The following CLIP2 variants were observed in gnomAD, a reference collection of about 807,000 sequenced individuals.
CLIP2 encodes the protein CAP-Gly domain-containing linker protein 2.
Under a neutral mutation model 111.7 loss-of-function variants are expected in CLIP2, and 41 were observed. The ratio of observed to expected loss-of-function variants is 0.37; its 90% confidence interval spans 0.29 to 0.48. The LOEUF (loss-of-function observed/expected upper bound fraction) is 0.48. CLIP2 is among the 20% of genes least tolerant of loss of function. The pLI is 0.99. For synonymous variants in CLIP2, 660 were observed against 644.2 expected, an observed-to-expected ratio of 1.02 and a Z score of -0.37; for missense variants, 1,160 against 1,422.1, an observed-to-expected ratio of 0.82 and a Z score of 2.96.
intron 2 of CLIP2, among the ~76,000 whole-genome samples, chr7:74,328,410 GC>G (rs1789179520): frequency 6.6e-6 from 1 of 152,166 alleles, no homozygotes; most frequent in Non-Finnish European, 1.5e-5. Context: ...CAGGTGTGTG[GC>G]CCGTCTGCAT....
rs112590233 is a variant in CLIP2 at position 74,332,136 on chromosome 7, C to T, written c.122-6312C>T. ...TTGCCCAGGCTGGAGTGAAGTGATG[C>T]GATCTCGGCTCACTGCAACCTCCGC... On this transcript the variant is annotated intron_variant, in intron 2 of 16. Transcript: ENST00000223398. 5.1e-3 allele frequency among the ~76,000 whole-genome samples: 773 copies of T among 150,550 alleles called. 2 individuals carry two copies. The highest frequency in any genetic ancestry group is 0.015 in the African/African-American group (617 of 40,946).
chr7:74,345,734 C>T (rs1010524536), intron 3 of CLIP2, among the ~76,000 whole-genome samples: 3 of 151,698 alleles, frequency 2.0e-5, no homozygotes, highest in Admixed American at 1.3e-4. Flanking sequence ...ATAATTCCAG[C>T]TACTCAGGAG....
chr7:74,298,877 C>G (rs1187866463), intron 1 of CLIP2, among the ~76,000 whole-genome samples: 1 of 152,002 alleles, frequency 6.6e-6, no homozygotes, highest in Non-Finnish European at 1.5e-5. Flanking sequence ...AAAAAAGTTG[C>G]GCCCAGTGAG....
At chr7:74,398,146 G>T (rs1554317023) in intron 14 of CLIP2, among the ~76,000 whole-genome samples, 2 of 151,476 alleles carry the variant, frequency 1.3e-5, no homozygotes, top group Non-Finnish European at 2.9e-5. Context: ...ATCACTTGAG[G>T]TCAAGAGTAC....
At position 74,289,557 on chromosome 7, in the gene CLIP2, C is replaced by T. The variant is rs1787949315; in HGVS notation, c.-245C>T. On this transcript the variant is annotated 5_prime_UTR_variant, in exon 1 of 17. Coordinates refer to ENST00000223398, the MANE Select transcript of CLIP2 (RefSeq NM_003388.5). The stretch of plus-strand genomic sequence containing the variant: ...CCTTCCCAGAGACGTGGCGCGAGGC[C>T]CGGGCCCTGAGCACCTATCGCGGGG... 1 of 151,808 alleles carries T rather than the reference C, an allele frequency of 6.6e-6. No individual in the cohort carries two copies. Among genetic ancestry groups the T allele is most frequent in the East Asian group, 1.9e-4 (1 of 5,158 alleles). The allele number at this position is 151,808 out of a possible 1,614,324, so 9.4% of individuals were successfully genotyped here. A position where few individuals can be genotyped will look rare whatever the true frequency, so the allele number is the denominator to read the frequency against.
At chr7:74,298,883 G>C (rs1256499036) in intron 1 of CLIP2, among the ~76,000 whole-genome samples, 1 of 152,140 alleles carries the variant, frequency 6.6e-6, no homozygotes. Flanking sequence ...GTTGCGCCCA[G>C]TGAGAGGAAG....
intron 3 of CLIP2, among the ~76,000 whole-genome samples, chr7:74,349,468 G>GTATATATA (rs1385137051): frequency 4.7e-4 from 29 of 61,752 alleles, no homozygotes; most frequent in East Asian, 6.7e-4. Flanking sequence ...GTGTGTGTGT[G>GTATATATA]TGTATATATA....
At chr7:74,330,981 G>C (rs1789260357) in intron 2 of CLIP2, among the ~76,000 whole-genome samples, 7 of 151,778 alleles carry the variant, frequency 4.6e-5, no homozygotes, top group Admixed American at 4.6e-4. Flanking sequence ...GAGGTGGGTG[G>C]ATCACCTGAG....
Position 74,396,927 on chromosome 7 carries a change from C to G in CLIP2, c.2721-147C>G. 4 of 985,134 alleles carry G rather than the reference C, an allele frequency of 4.1e-6. No individual in the cohort carries two copies. In the South Asian group the frequency reaches 6.8e-5, roughly 17 times the overall value. The allele number at this position is 985,134 out of a possible 1,614,324, so 61.0% of individuals were successfully genotyped here. The stretch of plus-strand genomic sequence containing the variant: ...TTGGGCTTTGGTTGAATTGTGTCTA[C>G]TGTGGCCCCTCGTGGCACAGATGCC... On this transcript the variant is annotated intron_variant, in intron 13 of 16. Transcript: ENST00000223398.
chr7:74,373,122 T>C, intron 9 of CLIP2, 86 bp downstream of exon 9: 1 of 744,618 alleles, frequency 1.3e-6, no homozygotes. Flanking sequence ...TTATTGACTC[T>C]CTTTCTTTAG....
chr7:74,398,644 G>A (rs951204923), intron 14 of CLIP2, among the ~76,000 whole-genome samples: 10 of 152,216 alleles, frequency 6.6e-5, no homozygotes, highest in African/African-American at 1.2e-4. Context: ...CCCTATATCC[G>A]GGAGTAGGCC....
At chr7:74,315,041 C>T (rs1205530507) in intron 1 of CLIP2, among the ~76,000 whole-genome samples, 7 of 152,088 alleles carry the variant, frequency 4.6e-5, no homozygotes, top group East Asian at 3.9e-4. Context: ...CTTTGGGAGG[C>T]GAGGCGGGAG....
Position 74,376,304 on chromosome 7 carries a change from C to G in CLIP2, c.1903C>G (p.Leu635Val). 1 of 1,613,868 alleles carries G rather than the reference C, an allele frequency of 6.2e-7. No homozygotes were observed. Among genetic ancestry groups the G allele is most frequent in the Non-Finnish European group, 8.5e-7 (1 of 1,179,982 alleles). ...GTCCCTGGAGGACCTCAAAGCCACC[C>G]TGAACTCGGGCCCAGGCGCCCAGCA... is the stretch of plus-strand genomic sequence containing the variant. The part of the protein sequence containing the change: ...QKSLEDLKAT[L>V]NSGPGAQQKE... The change falls in exon 10 of 17, where the codon CTG (leucine) becomes GTG (valine). Residue 635 changes from leucine (L) to valine (V), a missense_variant. This residue lies in a region of CLIP2 where 676 missense variants were observed against 777.8 expected (regional missense o/e 0.87). Coordinates refer to ENST00000223398, the MANE Select transcript of CLIP2 (RefSeq NM_003388.5). This position sits in a 1 kb window ranked among gnomAD's most constrained non-coding sequence, Gnocchi z 7.1.
chr7:74,324,596 G>A lies in CLIP2; in HGVS notation c.121+6929G>A, dbSNP rs1584326388. Among the ~76,000 whole-genome samples, 10 of 152,200 alleles carry A rather than the reference G, an allele frequency of 6.6e-5. No individual in the cohort carries two copies. The South Asian group carries it at 1.9e-3, about 29-fold the overall frequency. ...AATTGACAGGGGAGCCACACCTTGT[G>A]CCTGACCTTGGAGATGGTGGCAGCA... On this transcript the variant is annotated intron_variant, in intron 2 of 16. Transcript: ENST00000223398.
intron 1 of CLIP2, among the ~76,000 whole-genome samples, chr7:74,295,686 C>G (rs533186247): frequency 6.6e-6 from 1 of 152,102 alleles, no homozygotes; most frequent in Non-Finnish European, 1.5e-5. Flanking sequence ...CAAAGATAAA[C>G]GCAGTATAAC....
Position 74,376,774 on chromosome 7 carries a change from G to C in CLIP2, c.2373G>C (p.Glu791Asp), listed in dbSNP as rs1554313057. 9.9e-6 allele frequency: 16 copies of C among 1,611,104 alleles called. No individual in the cohort carries two copies. The East Asian group carries it at 3.4e-4, about 34-fold the overall frequency. The change falls in exon 10 of 17, where the codon GAG becomes GAC. Residue 791 changes from glutamate (E) to aspartate (D), a missense_variant. Physicochemically the swap from Glu to Asp is conservative, Grantham distance 45 (BLOSUM62 2). This residue lies in a region of CLIP2 where 676 missense variants were observed against 777.8 expected (regional missense o/e 0.87). Coordinates refer to ENST00000223398, the MANE Select transcript of CLIP2 (RefSeq NM_003388.5). The surrounding 1 kb of genome is among the most constrained non-coding windows in gnomAD (Gnocchi z 7.1). Reference sequence around the variant, plus strand: ...TGCGGGAGAAGCTCCTGGTGGCTGAGAACAGACTCCAGGCGGTCGAGGCCC... The same window carrying C: ...TGCGGGAGAAGCTCCTGGTGGCTGACAACAGACTCCAGGCGGTCGAGGCCC... ...ESLREKLLVA[E>D]NRLQAVEALC...
chr7:74,360,074 G>C (rs1554309412), intron 6 of CLIP2, 101 bp from the exon 7 acceptor site: 4 of 943,040 alleles, frequency 4.2e-6, no homozygotes, highest in Admixed American at 2.3e-5. Context: ...GGTGACTGGG[G>C]TTCCAGGCCC....
Position 74,401,126 on chromosome 7 carries a change from G to A in CLIP2, c.3067-379G>A, listed in dbSNP as rs146330994. On this transcript the variant is annotated intron_variant, in intron 15 of 16. Coordinates refer to ENST00000223398, the MANE Select transcript of CLIP2 (RefSeq NM_003388.5). ...CTGAAGGGGGAGGCAGCTCTGTCCC[G>A]GGAACCCTGGTCTGAAGGGGGAGGT... is the stretch of plus-strand genomic sequence containing the variant. Among the ~76,000 whole-genome samples, 1,077 of 150,490 alleles carry A rather than the reference G, an allele frequency of 7.2e-3. 18 individuals carry two copies. The highest frequency in any genetic ancestry group is 0.025 in the African/African-American group (1,006 of 40,956).
At position 74,381,212 on chromosome 7, in the gene CLIP2, C is replaced by T. The variant is rs534334586; in HGVS notation, c.2479+349C>T. 1.5e-3 allele frequency among the ~76,000 whole-genome samples: 232 copies of T among 151,744 alleles called. 1 individual carries two copies. Among genetic ancestry groups the T allele is most frequent in the Middle Eastern group, 6.8e-3 (2 of 292 alleles). On this transcript the variant is annotated intron_variant, in intron 11 of 16. Coordinates refer to ENST00000223398, the MANE Select transcript of CLIP2 (RefSeq NM_003388.5). ...CTTTTATTTATTTATTTATTTTAGA[C>T]GGAGTTTCGCTCTGTCGCCAGGCTG...
Sources: gnomAD v4.1 joint callset for allele counts (sites outside exome capture counted in the v4.1 genomes callset) on GRCh38, gnomAD v4.1.1 for gene constraint, gnomAD v4.1.1 regional missense constraint, Gnocchi (gnomAD v3.1) non-coding constraint, MANE v1.5 for transcripts, NCBI Gene and HGNC (gene_info 2026-07-23, HGNC 2026-07-21) for gene names.